The following DOCK2 variants were observed in gnomAD, a reference collection of about 807,000 sequenced individuals.
The protein encoded by DOCK2 is dedicator of cytokinesis protein 2.
Under a neutral mutation model 248.9 loss-of-function variants are expected in DOCK2, and 87 were observed. That is an observed-to-expected ratio of 0.35 (90% CI 0.29 to 0.42). DOCK2 has a LOEUF of 0.42. DOCK2 is among the 10% of genes least tolerant of loss of function. The probability of loss-of-function intolerance (pLI) is 1.00; values close to 1 mark genes in which losing one functional copy is unlikely to be tolerated. For missense variants in DOCK2, 1,747 were observed against 2,300.2 expected (o/e 0.76, Z 4.92); for synonymous variants, 805 against 821.6 (o/e 0.98, Z 0.35).
At chr5:169,876,503 C>T (rs556090906) in intron 27 of DOCK2, among the ~76,000 whole-genome samples, 1 of 152,322 alleles carries the variant, frequency 6.6e-6, no homozygotes, top group East Asian at 1.9e-4. Flanking sequence ...TTGCCTTTCC[C>T]ACTACAGTCA....
intron 25 of DOCK2, among the ~76,000 whole-genome samples, chr5:169,780,295 ATGTGTGTGTGTGTGTGTGTGTG>A (rs3138738): frequency 1.2e-4 from 16 of 137,794 alleles, no homozygotes; most frequent in Non-Finnish European, 1.7e-4. Context: ...AACCCAATAA[ATGTGTGTGTGTGTGTGTGTGTG>A]TGTGTGTGTG....
At chr5:169,794,018 C>T (rs1267063595) in intron 25 of DOCK2, among the ~76,000 whole-genome samples, 6 of 152,182 alleles carry the variant, frequency 3.9e-5, no homozygotes, top group Non-Finnish European at 7.3e-5. Context: ...TGGTTAATTT[C>T]CTTGCTGGTA....
At chr5:169,723,475 C>G (rs988075249) in intron 22 of DOCK2, among the ~76,000 whole-genome samples, 1 of 152,164 alleles carries the variant, frequency 6.6e-6, no homozygotes, top group South Asian at 2.1e-4. Context: ...TAGCACAGTG[C>G]TGGTCACATA....
intron 27 of DOCK2, among the ~76,000 whole-genome samples, chr5:169,905,863 C>T (rs1225272772): frequency 6.6e-6 from 1 of 152,196 alleles, no homozygotes; most frequent in African/African-American, 2.4e-5. Context: ...TACTTTCTGA[C>T]AAGAGGATGT....
intron 27 of DOCK2, among the ~76,000 whole-genome samples, chr5:169,911,376 C>G (rs891783078): frequency 6.6e-6 from 1 of 152,116 alleles, no homozygotes; most frequent in African/African-American, 2.4e-5. Context: ...CTATGGCGTT[C>G]ACAGGACATC....
intron 27 of DOCK2, among the ~76,000 whole-genome samples, chr5:169,930,088 T>C (rs1201393621): frequency 2.0e-5 from 3 of 152,166 alleles, no homozygotes; most frequent in African/African-American, 4.8e-5. Context: ...CCTCCTGGGT[T>C]CCGGTGATTC....
At chr5:169,705,800 A>C (rs1471588935) in intron 14 of DOCK2, among the ~76,000 whole-genome samples, 1 of 152,152 alleles carries the variant, frequency 6.6e-6, no homozygotes, top group Admixed American at 6.5e-5. Context: ...TAAACAGGAC[A>C]TGTGTTAGGA....
At chr5:169,645,431 G>A (rs888662058) in intron 1 of DOCK2, among the ~76,000 whole-genome samples, 2 of 152,210 alleles carry the variant, frequency 1.3e-5, no homozygotes, top group Non-Finnish European at 2.9e-5. Flanking sequence ...CTTTCTAGAA[G>A]TGTCTGTTTA....
At chr5:169,883,794 C>T (rs748782785) in intron 27 of DOCK2, 21 of 1,551,588 alleles carry the variant, frequency 1.4e-5, no homozygotes, top group Non-Finnish European at 1.8e-5. Flanking sequence ...ATCTCACCTG[C>T]TGGGATTTGC....
At chr5:169,980,242 G>A (rs1561865043) in intron 27 of DOCK2, 1 of 152,000 alleles carries the variant, frequency 6.6e-6, no homozygotes, top group Non-Finnish European at 1.5e-5. Context: ...GAGGATCATC[G>A]ATCATAAAAA....
intron 27 of DOCK2, chr5:169,882,841 C>T: frequency 6.4e-7 from 1 of 1,550,962 alleles, no homozygotes; most frequent in Non-Finnish European, 8.7e-7. Context: ...CTCCTGACAC[C>T]CAGGGGCAGA....
At chr5:170,076,802 C>T (rs1757855487) in intron 47 of DOCK2, among the ~76,000 whole-genome samples, 1 of 152,100 alleles carries the variant, frequency 6.6e-6, no homozygotes, top group African/African-American at 2.4e-5. Context: ...AGATTTTTTT[C>T]CATGAGGCAG....
chr5:169,865,683 G>A (rs531977345), intron 27 of DOCK2, among the ~76,000 whole-genome samples: 28 of 152,340 alleles, frequency 1.8e-4, no homozygotes, highest in African/African-American at 5.3e-4. Flanking sequence ...AGGAGCCAGC[G>A]TGGGAGTGTG....
intron 27 of DOCK2, among the ~76,000 whole-genome samples, chr5:169,850,067 C>G (rs1163420979): frequency 6.6e-6 from 1 of 152,162 alleles, no homozygotes; most frequent in African/African-American, 2.4e-5. Flanking sequence ...TGCAGAATAA[C>G]TGGATTGAGT....
At chr5:169,780,135 C>T (rs2113798900) in intron 25 of DOCK2, among the ~76,000 whole-genome samples, 1 of 152,334 alleles carries the variant, frequency 6.6e-6, no homozygotes, top group South Asian at 2.1e-4. Context: ...CCTGGCATTG[C>T]TGTGCTAAGA....
At chr5:169,742,195 G>T (rs963232117) in intron 22 of DOCK2, among the ~76,000 whole-genome samples, 1 of 152,118 alleles carries the variant, frequency 6.6e-6, no homozygotes, top group Non-Finnish European at 1.5e-5. Context: ...TTATGAAAAT[G>T]CTGATTTCTT....
At chr5:169,919,334 G>A (rs1462820555) in intron 27 of DOCK2, among the ~76,000 whole-genome samples, 1 of 152,134 alleles carries the variant, frequency 6.6e-6, no homozygotes, top group East Asian at 1.9e-4. Context: ...CTCCTTGAAG[G>A]TTTATGAAGA....
chr5:169,740,293 T>C (rs1763245742), intron 22 of DOCK2, among the ~76,000 whole-genome samples: 1 of 152,222 alleles, frequency 6.6e-6, no homozygotes. Flanking sequence ...TTAACTTCTT[T>C]TTTTTTTATT....
At chr5:169,897,710 G>T (rs547616543) in intron 27 of DOCK2, among the ~76,000 whole-genome samples, 22 of 152,268 alleles carry the variant, frequency 1.4e-4, no homozygotes, top group African/African-American at 4.8e-4. Flanking sequence ...TTGTGACGGG[G>T]TGAGCTCCCT....
Sources: gnomAD v4.1 joint callset for allele counts (sites outside exome capture counted in the v4.1 genomes callset) on GRCh38, gnomAD v4.1.1 for gene constraint, MANE v1.5 for transcripts, NCBI Gene and HGNC (gene_info 2026-07-23, HGNC 2026-07-21) for gene names.